Variants in CAPN13 observed in about 807,000 individuals in gnomAD.
CAPN13 encodes the protein calpain-13.
In CAPN13, 90 loss-of-function variants were observed where a neutral mutation model predicts 98.4. The observed-to-expected ratio is 0.92, with a 90% CI of 0.77 to 1.09. The LOEUF (loss-of-function observed/expected upper bound fraction) is 1.09. CAPN13 is among the 50% of genes least tolerant of loss of function. The probability of loss-of-function intolerance (pLI) is 0.00; values close to 1 mark genes in which losing one functional copy is unlikely to be tolerated. For synonymous variants in CAPN13, 330 were observed against 305.5 expected (o/e 1.08, Z -0.84); for missense variants, 887 against 841.3 (o/e 1.05, Z -0.67).
At chr2:30,754,415 C>A in intron 8 of CAPN13, 51 bp from the exon 9 acceptor site, 1 of 1,514,438 alleles carries the variant, frequency 6.6e-7, no homozygotes, top group Non-Finnish European at 8.9e-7. Context: ...TGCATTTTTT[C>A]TCAACCATGT....
At chr2:30,782,474 A>G (rs1178176512) in intron 2 of CAPN13, among the ~76,000 whole-genome samples, 1 of 152,164 alleles carries the variant, frequency 6.6e-6, no homozygotes, top group Admixed American at 6.5e-5. Flanking sequence ...CTATTGCCTT[A>G]TGGAACATTT....
intron 1 of CAPN13, among the ~76,000 whole-genome samples, chr2:30,797,241 C>A (rs1674932864): frequency 6.6e-6 from 1 of 152,146 alleles, no homozygotes; most frequent in Admixed American, 6.5e-5. Context: ...AGATATTTAA[C>A]CACCTCTGGC....
intron 22 of CAPN13, among the ~76,000 whole-genome samples, chr2:30,728,765 G>A (rs2103479663): frequency 6.6e-6 from 1 of 152,320 alleles, no homozygotes; most frequent in East Asian, 1.9e-4. Flanking sequence ...TAGTCCAGCT[G>A]CCGGAAATTG....
intron 2 of CAPN13, among the ~76,000 whole-genome samples, chr2:30,782,111 G>A (rs916406816): frequency 1.5e-4 from 23 of 152,096 alleles, no homozygotes; most frequent in African/African-American, 5.6e-4. Flanking sequence ...TAGAAAATAC[G>A]CTCTCTGATG....
intron 1 of CAPN13, among the ~76,000 whole-genome samples, chr2:30,802,859 A>C (rs1325547598): frequency 6.6e-6 from 1 of 152,210 alleles, no homozygotes; most frequent in Admixed American, 6.5e-5. Context: ...GTTCCAGAAC[A>C]GGCAGGGAGC....
At position 30,764,190 on chromosome 2, in the gene CAPN13, T is replaced by C. The variant is rs1371776929; in HGVS notation, c.641A>G (p.Lys214Arg). The C allele has an allele frequency of 3.7e-6, 6 of 1,606,936 alleles. No homozygotes were observed. Among genetic ancestry groups the C allele is most frequent in the Non-Finnish European group, 4.2e-6 (5 of 1,176,704 alleles). The change falls in exon 6 of 23, where the codon AAG (lysine) becomes AGG (arginine). Residue 214 changes from lysine (K) to arginine (R), a missense_variant. Coordinates refer to ENST00000295055, the MANE Select transcript of CAPN13 (RefSeq NM_144575.3). ...TGCCTTGGTCGCTGTCTTCACTGCC[T>C]TCACCAGGTCCACAGGGGAAGAGTG... ...HLHSSPVDLV[K>R]AVKTATKAGS...
chr2:30,779,567 G>C (rs924021497), intron 2 of CAPN13, among the ~76,000 whole-genome samples: 3 of 152,094 alleles, frequency 2.0e-5, no homozygotes, highest in Admixed American at 2.0e-4. Context: ...CATAGTACAT[G>C]TTCAACAAAT....
rs139574588 is a variant in CAPN13, at chr2:30,769,809, C to A, written c.524+504G>T. Among the ~76,000 whole-genome samples the A allele has an allele frequency of 1.4e-3, 213 of 152,266 alleles. 5 individuals carry two copies. The East Asian group carries it at 0.04, about 28-fold the overall frequency. On this transcript the variant is annotated intron_variant, in intron 5 of 22. Coordinates refer to ENST00000295055, the MANE Select transcript of CAPN13 (RefSeq NM_144575.3). ...AAATGCCACCTCGTAGCAGCCACAC[C>A]GGGTGCCCAACTGCCTGGACCACCC...
chr2:30,745,309 T>C (rs1671850042), intron 12 of CAPN13: 6 of 481,218 alleles, frequency 1.2e-5, no homozygotes, highest in South Asian at 9.3e-5. Flanking sequence ...CTCAAGGATG[T>C]ACCTTGAAGC....
chr2:30,766,869 C>G (rs1371300295), intron 5 of CAPN13, among the ~76,000 whole-genome samples: 1 of 152,170 alleles, frequency 6.6e-6, no homozygotes, highest in African/African-American at 2.4e-5. Context: ...CAATTAATTT[C>G]CAGACTCCCC....
rs77160018 is a variant in CAPN13 at position 30,748,901 on chromosome 2, C to T, written c.1236+2202G>A. ...AAATATGGTCAAGGAGAGCAGAACA[C>T]GAAAGCTCTCCTTCTGCTAGAGCCA... On this transcript the variant is annotated intron_variant, in intron 11 of 22. Transcript: ENST00000295055. Among the ~76,000 whole-genome samples, 131 of 152,236 alleles carry T rather than the reference C, an allele frequency of 8.6e-4. No individual in the cohort carries two copies. The East Asian group carries it at 0.022, about 26-fold the overall frequency.
intron 18 of CAPN13, among the ~76,000 whole-genome samples, chr2:30,735,632 C>T (rs567046715): frequency 5.9e-5 from 9 of 152,284 alleles, no homozygotes; most frequent in African/African-American, 1.4e-4. Flanking sequence ...ACATGCCAGC[C>T]GTCGCAGTGC....
At chr2:30,804,334 G>T (rs914295693) in intron 1 of CAPN13, among the ~76,000 whole-genome samples, 2 of 152,144 alleles carry the variant, frequency 1.3e-5, no homozygotes, top group African/African-American at 4.8e-5. Flanking sequence ...CCAAGTAGCT[G>T]GGATTACAGG....
intron 1 of CAPN13, among the ~76,000 whole-genome samples, chr2:30,801,711 C>A (rs1475891854): frequency 1.3e-5 from 2 of 151,014 alleles, no homozygotes; most frequent in Non-Finnish European, 2.9e-5. Context: ...AAGTCAAAGA[C>A]TGGCTGGGCG....
intron 2 of CAPN13, among the ~76,000 whole-genome samples, chr2:30,786,528 T>A (rs921352135): frequency 6.6e-6 from 1 of 152,038 alleles, no homozygotes; most frequent in Non-Finnish European, 1.5e-5. Context: ...TCTGCTGGGG[T>A]TGTGGAGTCA....
chr2:30,733,914 A>T (rs1165030857), intron 19 of CAPN13, among the ~76,000 whole-genome samples: 1 of 152,192 alleles, frequency 6.6e-6, no homozygotes, highest in Admixed American at 6.5e-5. Flanking sequence ...AGACAGTCAA[A>T]GGAGATGACG....
intron 1 of CAPN13, among the ~76,000 whole-genome samples, chr2:30,799,254 G>A (rs1446665840): frequency 6.6e-6 from 1 of 151,980 alleles, no homozygotes; most frequent in Non-Finnish European, 1.5e-5. Flanking sequence ...TCTACAGCAA[G>A]TTGGAAGAAC....
chr2:30,789,012 C>T (rs2148078065), intron 1 of CAPN13, among the ~76,000 whole-genome samples: 1 of 152,216 alleles, frequency 6.6e-6, no homozygotes, highest in East Asian at 1.9e-4. Context: ...TAAATACAAA[C>T]AGCTCTGTTT....
chr2:30,760,805 C>T (rs377670422), intron 7 of CAPN13, among the ~76,000 whole-genome samples: 2 of 152,182 alleles, frequency 1.3e-5, no homozygotes, highest in African/African-American at 2.4e-5. Flanking sequence ...GGGTCACACG[C>T]GAGGCCAAGG....
Sources: gnomAD v4.1 joint callset for allele counts (sites outside exome capture counted in the v4.1 genomes callset) on GRCh38, gnomAD v4.1.1 for gene constraint, MANE v1.5 for transcripts, NCBI Gene and HGNC (gene_info 2026-07-23, HGNC 2026-07-21) for gene names.